MYH15: variants seen among roughly 807,000 people sequenced by gnomAD.
MYH15 encodes myosin heavy chain 15, also known as myosin-15.
A neutral mutation model predicts 240.5 loss-of-function variants in MYH15; 227 were observed. The observed-to-expected ratio is 0.94, with a 90% CI of 0.85 to 1.05. The LOEUF (loss-of-function observed/expected upper bound fraction) is 1.05, where lower values mean the gene tolerates loss of function less well. Ranked by LOEUF, MYH15 falls within the 50% of genes least tolerant of loss-of-function variation. The probability of loss-of-function intolerance (pLI) is 0.00; values close to 1 mark genes in which losing one functional copy is unlikely to be tolerated. For missense variants in MYH15, 2,217 were observed against 2,247.5 expected (o/e 0.99, Z 0.27); for synonymous variants, 785 against 796.7 (o/e 0.99, Z 0.25).
At chr3:108,489,389 T>A (rs977552755) in intron 9 of MYH15, among the ~76,000 whole-genome samples, 1 of 151,676 alleles carries the variant, frequency 6.6e-6, no homozygotes, top group African/African-American at 2.4e-5. Flanking sequence ...AGAAAAAAAG[T>A]CAAAAGAAAA....
intron 14 of MYH15, 82 bp from the exon 15 acceptor site, chr3:108,464,896 G>A: frequency 1.6e-6 from 2 of 1,264,644 alleles, no homozygotes; most frequent in Non-Finnish European, 1.1e-6. Flanking sequence ...TTCTTTCCCA[G>A]GAACCTAATC....
chr3:108,505,837 G>C lies in MYH15; in HGVS notation c.89-8C>G. ...TCCAGCATTTCTTCTTCCCTGTAGA[G>C]CAAAAAAAAAAAAAAATGGATTATA... is the stretch of plus-strand genomic sequence containing the variant. On this transcript the variant is annotated splice_polypyrimidine_tract_variant and splice_region_variant and intron_variant, in intron 1 of 40. Coordinates refer to ENST00000693548, the MANE Select transcript of MYH15 (RefSeq NM_014981.3). 7.3e-7 allele frequency: 1 copy of C among 1,369,200 alleles called. No individual in the cohort carries two copies. The highest frequency in any genetic ancestry group is 9.7e-7 in the Non-Finnish European group (1 of 1,034,504). The allele number at this position is 1,369,200 out of a possible 1,614,324, so 84.8% of individuals were successfully genotyped here.
At chr3:108,546,545 T>C in the MYH15 span, among the ~76,000 whole-genome samples, 4 of 152,130 alleles carry the variant, frequency 2.6e-5, no homozygotes, top group African/African-American at 9.7e-5. Flanking sequence ...TCTAATGTAG[T>C]AGTGGACAGA....
chr3:108,381,355 C>CA lies in MYH15; in HGVS notation c.*189dup, dbSNP rs2082342104. 1 of 641,814 alleles carries CA rather than the reference C, an allele frequency of 1.6e-6. No homozygotes were observed. The highest frequency in any genetic ancestry group is 2.0e-5 in the South Asian group (1 of 50,088). 39.8% of individuals were successfully genotyped at this position (641,814 alleles called of 1,614,324 possible). On this transcript the variant is annotated 3_prime_UTR_variant, in exon 41 of 41. Transcript: ENST00000693548. ...AGGTAGTTTACTTGCATTTGAGGAT[C>CA]AAAAAATCCCCATTAACTGTGGAAG...
chr3:108,416,897 GCCT>G lies in MYH15; in HGVS notation c.3860_3862del (p.Glu1287del), dbSNP rs1247092124. ...TTCCCTGGAAAGTTGGTTTATCAGA[GCCT>G]CCTTCTCTTCAAGCCTCCGTAGGAA... On this transcript the variant is annotated inframe_deletion, in exon 29 of 41. Transcript: ENST00000693548. The G allele has an allele frequency of 1.2e-6, 2 of 1,613,942 alleles. No homozygotes were observed. Among genetic ancestry groups the G allele is most frequent in the Admixed American group, 3.3e-5 (2 of 60,018 alleles).
intron 28 of MYH15, among the ~76,000 whole-genome samples, chr3:108,417,794 T>TACAC (rs1050480076): frequency 4.8e-4 from 45 of 93,272 alleles, no homozygotes; most frequent in Non-Finnish European, 6.8e-4. Flanking sequence ...TGTATATATA[T>TACAC]ATACACACAC....
At chr3:108,497,039 T>A (rs1403298629) in intron 6 of MYH15, among the ~76,000 whole-genome samples, 1 of 150,894 alleles carries the variant, frequency 6.6e-6, no homozygotes, top group Non-Finnish European at 1.5e-5. Context: ...CGGGCACCTG[T>A]AGTCCCAGCT....
At chr3:108,457,045 C>T (rs1041005608) in intron 18 of MYH15, among the ~76,000 whole-genome samples, 162 bp from the exon 19 acceptor site, 2 of 152,152 alleles carry the variant, frequency 1.3e-5, no homozygotes, top group South Asian at 2.1e-4. Flanking sequence ...TGATAGTACT[C>T]ACAGTAATCA....
chr3:108,409,654 G>C (rs1325349265), intron 31 of MYH15, among the ~76,000 whole-genome samples: 3 of 150,528 alleles, frequency 2.0e-5, no homozygotes, highest in Non-Finnish European at 4.5e-5. Flanking sequence ...GGCATCTCAG[G>C]GTTTTCATGC....
intron 24 of MYH15, among the ~76,000 whole-genome samples, chr3:108,438,309 C>G (rs1185538450): frequency 6.6e-6 from 1 of 152,138 alleles, no homozygotes; most frequent in African/African-American, 2.4e-5. Context: ...TAAATGTTCC[C>G]CATCAGAACA....
intron 12 of MYH15, 40 bp downstream of exon 12, chr3:108,476,357 A>G (rs1172680408): frequency 3.3e-6 from 4 of 1,197,842 alleles, no homozygotes; most frequent in Non-Finnish European, 5.0e-6. Context: ...CAATTATTGG[A>G]AGATCATAGA....
rs75788637 is a variant in MYH15, at chr3:108,498,198, C to T, written c.525-53G>A. 8.1e-3 allele frequency: 12,281 copies of T among 1,521,326 alleles called. 711 individuals are homozygous for T. In the African/African-American group the frequency reaches 0.14, roughly 17 times the overall value. The allele number at this position is 1,521,326 out of a possible 1,614,324, so 94.2% of individuals were successfully genotyped here. A position where few individuals can be genotyped will look rare whatever the true frequency, so the allele number is the denominator to read the frequency against. On this transcript the variant is annotated intron_variant, in intron 5 of 40. Coordinates refer to ENST00000693548, the MANE Select transcript of MYH15 (RefSeq NM_014981.3). ...TAACTGGTTCTGATTATCAATGCAA[C>T]GAAAGTTAGGTAATTTTGATTATAT...
Position 108,485,248 on chromosome 3 carries a change from A to G in MYH15, c.976-19T>C. The stretch of plus-strand genomic sequence containing the variant: ...TGGCTTGCTGTAAAAAGAGAAACAG[A>G]TGGCCCTGTCTTCATTTGCTTAATG... On this transcript the variant is annotated intron_variant, in intron 10 of 40. Coordinates refer to ENST00000693548, the MANE Select transcript of MYH15 (RefSeq NM_014981.3). 1 of 1,613,464 alleles carries G rather than the reference A, an allele frequency of 6.2e-7. No individual in the cohort carries two copies. Among genetic ancestry groups the G allele is most frequent in the South Asian group, 1.1e-5 (1 of 90,962 alleles).
At position 108,495,892 on chromosome 3, in the gene MYH15, A is replaced by G. The variant is rs1318901770; in HGVS notation, c.619-20T>C. 2 of 1,566,364 alleles carry G rather than the reference A, an allele frequency of 1.3e-6. No individual in the cohort carries two copies. Among genetic ancestry groups the G allele is most frequent in the South Asian group, 2.3e-5 (2 of 86,104 alleles). On this transcript the variant is annotated intron_variant, in intron 6 of 40. Transcript: ENST00000693548. ...CGCCCCCTGAGACACATGCAAGAGA[A>G]GTACAGCTGATGAAACTATTAGTAG...
the MYH15 span, among the ~76,000 whole-genome samples, chr3:108,542,402 G>A: frequency 3.9e-5 from 6 of 151,918 alleles, no homozygotes; most frequent in Admixed American, 1.3e-4. Flanking sequence ...TTTTTGCTCC[G>A]CTCTTTCATT....
At chr3:108,423,423 T>C (rs1488325324) in intron 27 of MYH15, among the ~76,000 whole-genome samples, 1 of 152,206 alleles carries the variant, frequency 6.6e-6, no homozygotes, top group Admixed American at 6.5e-5. Context: ...CAATGGCCAG[T>C]TTCTCGAACG....
the MYH15 span, among the ~76,000 whole-genome samples, chr3:108,542,791 T>G: frequency 6.6e-6 from 1 of 152,138 alleles, no homozygotes; most frequent in Non-Finnish European, 1.5e-5. Context: ...ACTGAGAACA[T>G]GCAGCGTTTG....
At chr3:108,398,376 T>G (rs529900509) in intron 35 of MYH15, among the ~76,000 whole-genome samples, 2 of 152,240 alleles carry the variant, frequency 1.3e-5, no homozygotes, top group Middle Eastern at 3.2e-3. Context: ...GCTGACACTT[T>G]GATTGCAGGC....
intron 21 of MYH15, among the ~76,000 whole-genome samples, chr3:108,453,686 C>A (rs192660800): frequency 2.7e-4 from 41 of 152,256 alleles, no homozygotes; most frequent in African/African-American, 7.7e-4. Flanking sequence ...ATATGCAAAC[C>A]TTTCCAGGTC....
Sources: gnomAD v4.1 joint callset for allele counts (sites outside exome capture counted in the v4.1 genomes callset) on GRCh38, gnomAD v4.1.1 for gene constraint, MANE v1.5 for transcripts, NCBI Gene and HGNC (gene_info 2026-07-23, HGNC 2026-07-21) for gene names.